The following ARHGAP24 variants were observed in gnomAD, a reference collection of about 807,000 sequenced individuals.
ARHGAP24 encodes Rho GTPase activating protein 24.
Under a neutral mutation model 76.4 loss-of-function variants are expected in ARHGAP24, and 50 were observed. The observed-to-expected ratio is 0.65, with a 90% CI of 0.52 to 0.83. ARHGAP24 has a LOEUF of 0.83. Among genes scored for constraint, ARHGAP24 ranks in the 40% least tolerant of loss-of-function variants. ARHGAP24 has a pLI of 0.00. For synonymous variants in ARHGAP24, 345 were observed against 323.3 expected, an observed-to-expected ratio of 1.07 and a Z score of -0.72; for missense variants, 930 against 914.2, an observed-to-expected ratio of 1.02 and a Z score of -0.22.
intron 1 of ARHGAP24, among the ~76,000 whole-genome samples, chr4:85,495,019 C>T (rs535436173): frequency 1.4e-5 from 2 of 147,132 alleles, no homozygotes; most frequent in South Asian, 2.2e-4. Flanking sequence ...GGCATGAACC[C>T]GGGAGGCGGA....
rs1180540988 is a variant in ARHGAP24 at position 85,624,830 on chromosome 4, A to G, written c.180+54109A>G. Among the ~76,000 whole-genome samples the G allele has an allele frequency of 2.0e-5, 3 of 152,060 alleles. No homozygotes were observed. In the East Asian group the frequency reaches 5.8e-4, roughly 29 times the overall value. On this transcript the variant is annotated intron_variant, in intron 2 of 9. Transcript: ENST00000395184. ...GATGTATGTGTTGAGGAATTTATCC[A>G]TTTCTTCTAGATTTTCTAGTTTATT...
chr4:85,683,109 T>TG (rs1205882687), intron 2 of ARHGAP24, among the ~76,000 whole-genome samples: 23 of 17,476 alleles, frequency 1.3e-3, no homozygotes, highest in East Asian at 3.4e-3. Context: ...TCTCAGTGTG[T>TG]GGGGGGGTGG....
chr4:85,493,482 G>A (rs1560507645), intron 1 of ARHGAP24, among the ~76,000 whole-genome samples: 1 of 152,134 alleles, frequency 6.6e-6, no homozygotes, highest in African/African-American at 2.4e-5. Flanking sequence ...GTATGGACTC[G>A]TGGGTATCTG....
chr4:85,655,816 GAA>G (rs1491192866), intron 2 of ARHGAP24, among the ~76,000 whole-genome samples: 1,952 of 75,914 alleles, frequency 0.026, 85 homozygotes, highest in East Asian at 0.097. Flanking sequence ...GAGAGAGAGA[GAA>G]AGAGAGAGAG....
chr4:85,836,452 G>T (rs181306127), intron 3 of ARHGAP24, among the ~76,000 whole-genome samples: 2 of 152,270 alleles, frequency 1.3e-5, no homozygotes, highest in Non-Finnish European at 2.9e-5. Flanking sequence ...GATAGACTCA[G>T]GAGTTTCTTA....
chr4:85,960,951 T>C (rs1318311709), intron 5 of ARHGAP24, among the ~76,000 whole-genome samples: 1 of 152,154 alleles, frequency 6.6e-6, no homozygotes, highest in Non-Finnish European at 1.5e-5. Context: ...TAGATTTTGA[T>C]TTATAACAAA....
chr4:85,484,855 C>A (rs1353580457), intron 1 of ARHGAP24, among the ~76,000 whole-genome samples: 2 of 151,942 alleles, frequency 1.3e-5, no homozygotes, highest in Non-Finnish European at 2.9e-5. Flanking sequence ...GACCTCAAGT[C>A]ATCTGCCTGC....
intron 3 of ARHGAP24, among the ~76,000 whole-genome samples, chr4:85,728,942 G>A (rs116188883): frequency 0.013 from 2,000 of 152,240 alleles, 38 homozygotes; most frequent in African/African-American, 0.045. Flanking sequence ...TGAAAATGTA[G>A]GAATGTTTTA....
intron 1 of ARHGAP24, among the ~76,000 whole-genome samples, chr4:85,488,258 G>A (rs569321382): frequency 4.7e-4 from 71 of 152,028 alleles, no homozygotes; most frequent in Middle Eastern, 6.8e-3. Context: ...AACACCTCCT[G>A]TGGAGAGGGG....
At chr4:85,935,076 T>C (rs1736556077) in intron 4 of ARHGAP24, among the ~76,000 whole-genome samples, 1 of 152,212 alleles carries the variant, frequency 6.6e-6, no homozygotes, top group African/African-American at 2.4e-5. Flanking sequence ...ACAGTGGTGG[T>C]GGACAAGACC....
chr4:85,743,435 G>T (rs78863509), intron 3 of ARHGAP24, among the ~76,000 whole-genome samples: 1 of 104,160 alleles, frequency 9.6e-6, no homozygotes, highest in Non-Finnish European at 1.8e-5. Context: ...AAAAAAAAAG[G>T]CTGGGCATGT....
At chr4:85,743,574 A>T (rs922399286) in intron 3 of ARHGAP24, among the ~76,000 whole-genome samples, 3 of 152,178 alleles carry the variant, frequency 2.0e-5, no homozygotes, top group Non-Finnish European at 4.4e-5. Flanking sequence ...TCTCAAAAAC[A>T]AAACAAAACA....
intron 5 of ARHGAP24, among the ~76,000 whole-genome samples, chr4:85,969,202 C>G (rs1396814724): frequency 6.6e-6 from 1 of 152,032 alleles, no homozygotes; most frequent in Non-Finnish European, 1.5e-5. Flanking sequence ...TTTCTCAATA[C>G]CATAGTTTAT....
chr4:85,776,132 C>A (rs560682182), intron 3 of ARHGAP24, among the ~76,000 whole-genome samples: 18 of 152,098 alleles, frequency 1.2e-4, no homozygotes, highest in Non-Finnish European at 1.5e-5. Flanking sequence ...AGTCACTACC[C>A]TTCACTGCTA....
intron 1 of ARHGAP24, among the ~76,000 whole-genome samples, chr4:85,536,673 G>T (rs542392465): frequency 6.6e-6 from 1 of 152,070 alleles, no homozygotes; most frequent in Non-Finnish European, 1.5e-5. Context: ...AATAATAATA[G>T]CATATATGAC....
At chr4:85,528,928 CTT>C (rs1234465917) in intron 1 of ARHGAP24, among the ~76,000 whole-genome samples, 3 of 151,866 alleles carry the variant, frequency 2.0e-5, no homozygotes, top group South Asian at 2.1e-4. Flanking sequence ...CTTGACTACT[CTT>C]GAGCTGATCA....
chr4:85,990,769 A>C (rs1168506826), intron 8 of ARHGAP24: 1 of 151,964 alleles, frequency 6.6e-6, no homozygotes, highest in East Asian at 1.9e-4. Context: ...CATACAAAAA[A>C]CTTAAAATGG....
At chr4:85,612,083 TACACACACACACACACACACAC>T (rs34030905) in intron 2 of ARHGAP24, among the ~76,000 whole-genome samples, 107 of 143,858 alleles carry the variant, frequency 7.4e-4, no homozygotes, top group African/African-American at 1.3e-3. Flanking sequence ...TTCATTACAT[TACACACACACACACACACACAC>T]ACACACACAC....
intron 3 of ARHGAP24, among the ~76,000 whole-genome samples, chr4:85,913,911 C>T (rs184150647): frequency 4.6e-5 from 7 of 152,240 alleles, no homozygotes; most frequent in Admixed American, 6.5e-5. Context: ...AAAAGTGGCA[C>T]GTCTCTCTGA....
Sources: allele counts gnomAD v4.1 joint callset (sites outside exome capture counted in the v4.1 genomes callset), GRCh38; gene constraint gnomAD v4.1.1; transcripts MANE v1.5; gene names NCBI Gene and HGNC (gene_info 2026-07-23, HGNC 2026-07-21).